Variants in FOCAD observed in about 807,000 individuals in gnomAD.
FOCAD encodes KIAA1797.
A neutral mutation model predicts 225.6 loss-of-function variants in FOCAD; 198 were observed. The observed-to-expected ratio is 0.88, with a 90% CI of 0.78 to 0.99. FOCAD has a LOEUF of 0.99. Ranked by LOEUF, FOCAD falls within the 50% of genes least tolerant of loss-of-function variation. FOCAD has a pLI of 0.00. For missense variants in FOCAD, 2,713 were observed against 2,123.6 expected (o/e 1.28, Z -5.46); for synonymous variants, 897 against 755.0 (o/e 1.19, Z -3.08).
chr9:20,853,423 A>G (rs529129517), intron 15 of FOCAD, among the ~76,000 whole-genome samples: 1 of 151,958 alleles, frequency 6.6e-6, no homozygotes, highest in East Asian at 1.9e-4. Context: ...TTCAGATATT[A>G]GAATTATAAG....
chr9:20,815,285 C>T (rs1305108099), intron 11 of FOCAD, among the ~76,000 whole-genome samples: 1 of 150,216 alleles, frequency 6.7e-6, no homozygotes, highest in Non-Finnish European at 1.5e-5. Flanking sequence ...AGGCATGCAC[C>T]ACCATACCCA....
chr9:20,769,934 T>C, intron 7 of FOCAD, 98 bp from the exon 8 acceptor site: 1 of 1,098,340 alleles, frequency 9.1e-7, no homozygotes, highest in Non-Finnish European at 1.3e-6. Flanking sequence ...TTTATAGGTT[T>C]AGAGAAAAAA....
At chr9:20,870,874 AG>A (rs1829702258) in intron 18 of FOCAD, among the ~76,000 whole-genome samples, 1 of 152,184 alleles carries the variant, frequency 6.6e-6, no homozygotes, top group Admixed American at 6.5e-5. Flanking sequence ...TCATGAATCA[AG>A]GAGTATCTAT....
In FOCAD at chr9:20,912,991, G is replaced by A. The variant is rs749847383; in HGVS notation, c.2807+37G>A. The A allele has an allele frequency of 2.1e-5, 33 of 1,549,900 alleles. No homozygotes were observed. In the African/African-American group the frequency reaches 3.4e-4, roughly 16 times the overall value. ...TGTTCAGCTGCCCATTATTTGTCAT[G>A]GGAAGTGAGCTATGAGGGGAAAGGT... On this transcript the variant is annotated intron_variant, in intron 23 of 43. Coordinates refer to ENST00000338382, the MANE Select transcript of FOCAD (RefSeq NM_001375567.1).
chr9:20,959,077 G>A lies in FOCAD; in HGVS notation c.4132+6012G>A, dbSNP rs182814053. 9.4e-4 allele frequency among the ~76,000 whole-genome samples: 143 copies of A among 152,218 alleles called. 1 individual carries two copies. The highest frequency in any genetic ancestry group is 3.4e-3 in the Middle Eastern group (1 of 294). On this transcript the variant is annotated intron_variant, in intron 35 of 43. Transcript: ENST00000338382. ...AGTAGGAGGATTATTAGATCATATT[G>A]TAGTTCTATTTTTAGTTTTCTGAGG...
chr9:20,790,878 C>G (rs1407211476), intron 11 of FOCAD, among the ~76,000 whole-genome samples: 4 of 152,206 alleles, frequency 2.6e-5, no homozygotes, highest in Admixed American at 2.0e-4. Context: ...CTGCTGATAT[C>G]TCACAAAGAG....
At chr9:20,829,848 G>A (rs906370400) in intron 15 of FOCAD, among the ~76,000 whole-genome samples, 1 of 152,056 alleles carries the variant, frequency 6.6e-6, no homozygotes, top group African/African-American at 2.4e-5. Context: ...AATAATATTT[G>A]TAGCAGCAGT....
chr9:20,671,696 GA>G (rs1822068418), intron 2 of FOCAD, among the ~76,000 whole-genome samples: 1 of 152,174 alleles, frequency 6.6e-6, no homozygotes, highest in Non-Finnish European at 1.5e-5. Flanking sequence ...TGGGGCAAAT[GA>G]TTATGCTCCT....
intron 6 of FOCAD, among the ~76,000 whole-genome samples, chr9:20,761,025 G>T (rs183278348): frequency 2.0e-3 from 305 of 151,714 alleles, no homozygotes; most frequent in African/African-American, 7.2e-3. Context: ...TTTTTTGGGG[G>T]GGGGCGTTAC....
Position 20,781,618 on chromosome 9 carries a change from G to T in FOCAD, c.995-109G>T, listed in dbSNP as rs145379246. 5.3e-5 allele frequency: 45 copies of T among 853,624 alleles called. No individual in the cohort carries two copies. In the African/African-American group the frequency reaches 7.0e-4, roughly 13 times the overall value. The allele number at this position is 853,624 out of a possible 1,614,324, so 52.9% of individuals were successfully genotyped here. On this transcript the variant is annotated intron_variant, in intron 9 of 43. Coordinates refer to ENST00000338382, the MANE Select transcript of FOCAD (RefSeq NM_001375567.1). ...TCAACCTAGTTATGTGTCTGACCCAGTTATAAAAGGGAAGAAAACTTTCTT... is the reference window on the plus strand; with the variant it reads ...TCAACCTAGTTATGTGTCTGACCCATTTATAAAAGGGAAGAAAACTTTCTT...
At chr9:20,937,196 A>G (rs549881601) in intron 28 of FOCAD, among the ~76,000 whole-genome samples, 3 of 150,864 alleles carry the variant, frequency 2.0e-5, no homozygotes, top group Admixed American at 1.3e-4. Context: ...TCAAGCTACC[A>G]ATGACTTTCT....
chr9:20,745,985 G>A (rs374848610), intron 5 of FOCAD, among the ~76,000 whole-genome samples: 5 of 152,104 alleles, frequency 3.3e-5, no homozygotes, highest in African/African-American at 1.2e-4. Flanking sequence ...ACTTAAAGAC[G>A]TGTATCCTAA....
At chr9:20,866,773 A>G (rs1249955897) in intron 17 of FOCAD, among the ~76,000 whole-genome samples, 156 bp from the exon 18 acceptor site, 1 of 151,624 alleles carries the variant, frequency 6.6e-6, no homozygotes, top group African/African-American at 2.4e-5. Flanking sequence ...AGCTAGGCAA[A>G]GCTTTAATAC....
chr9:20,704,706 A>T (rs189104604), intron 1 of FOCAD, among the ~76,000 whole-genome samples: 155 of 152,262 alleles, frequency 1.0e-3, no homozygotes, highest in Middle Eastern at 6.8e-3. Flanking sequence ...ATCTTTCATC[A>T]TTTTATCAAC....
At chr9:20,933,176 T>G in intron 28 of FOCAD, 73 bp downstream of exon 28, 3 of 999,668 alleles carry the variant, frequency 3.0e-6, no homozygotes, top group Non-Finnish European at 4.7e-6. Context: ...TCTTGCATGC[T>G]ATGGAGAAAT....
intron 15 of FOCAD, among the ~76,000 whole-genome samples, chr9:20,832,642 C>A (rs62560487): frequency 0.19 from 28,589 of 151,726 alleles, 2,865 homozygotes; most frequent in South Asian, 0.29. Context: ...TAATCTTATT[C>A]ATTCTCTTTT....
upstream of FOCAD, among the ~76,000 whole-genome samples, chr9:20,680,731 C>T (rs1822377012): frequency 6.6e-6 from 1 of 152,084 alleles, no homozygotes; most frequent in Admixed American, 6.6e-5. Context: ...TTTTGGGAGG[C>T]CGAGGCGGGA....
intron 39 of FOCAD, among the ~76,000 whole-genome samples, chr9:20,983,015 C>A (rs551534583): frequency 6.6e-6 from 1 of 152,276 alleles, no homozygotes; most frequent in African/African-American, 2.4e-5. Flanking sequence ...AGCTGGTGGA[C>A]TTCGTGTCAT....
Position 20,781,828 on chromosome 9 carries a change from G to A in FOCAD, c.1096G>A (p.Asp366Asn), listed in dbSNP as rs144110783. 554 of 1,614,150 alleles carry A rather than the reference G, an allele frequency of 3.4e-4. 1 individual carries two copies. The African/African-American group carries it at 6.6e-3, about 19-fold the overall frequency. ...LQILSSTALEDCISVDEEGPS... is the reference protein window; with the variant it reads ...LQILSSTALENCISVDEEGPS... ...GATACTATCTTCTACTGCCTTGGAAGACTGTATATCTGTGGATGAAGAAGG... is the reference window on the plus strand; with the variant it reads ...GATACTATCTTCTACTGCCTTGGAAAACTGTATATCTGTGGATGAAGAAGG... Residue 366 changes from aspartate to asparagine, a missense_variant, in exon 10 of 44, where the codon GAC (aspartate) becomes AAC (asparagine). By Grantham distance (23) the Asp-to-Asn change is conservative. Coordinates refer to ENST00000338382, the MANE Select transcript of FOCAD (RefSeq NM_001375567.1).
Sources: gnomAD v4.1 joint callset for allele counts (sites outside exome capture counted in the v4.1 genomes callset) on GRCh38, gnomAD v4.1.1 for gene constraint, MANE v1.5 for transcripts, NCBI Gene and HGNC (gene_info 2026-07-23, HGNC 2026-07-21) for gene names.